GRK5: variants seen among roughly 807,000 people sequenced by gnomAD.
GRK5 encodes the protein g protein-coupled receptor kinase GRK5.
GRK5 carries 40 observed loss-of-function variants against 78.4 expected under a neutral mutation model. The ratio of observed to expected loss-of-function variants is 0.51; its 90% confidence interval spans 0.40 to 0.66. GRK5 has a LOEUF of 0.66. Ranked by LOEUF, GRK5 falls within the 30% of genes least tolerant of loss-of-function variation. GRK5 has a pLI of 0.00. For missense variants in GRK5, 598 were observed against 759.9 expected (o/e 0.79, Z 2.50); for synonymous variants, 289 against 296.8 (o/e 0.97, Z 0.27).
chr10:119,326,519 G>A lies in GRK5; in HGVS notation c.56G>A (p.Gly19Asp). 6.2e-7 allele frequency: 1 copy of A among 1,613,862 alleles called. No individual in the cohort carries two copies. Among genetic ancestry groups the A allele is most frequent in the Non-Finnish European group, 8.5e-7 (1 of 1,179,766 alleles). ...ATCTTTTTCCCCATCTCTGCAGGGG[G>A]CGGAGGAAAGCGCAAAGGGAAAAGC... is the stretch of plus-strand genomic sequence containing the variant. ...NTVLLKAREG[G>D]GGKRKGKSKK... The change falls in exon 2 of 16, where the codon GGC becomes GAC. Residue 19 changes from glycine (G) to aspartate (D), a missense_variant. By Grantham distance (94) the Gly-to-Asp change is moderately conservative. Coordinates refer to ENST00000392870, the MANE Select transcript of GRK5 (RefSeq NM_005308.3).
rs866169300 is a variant in GRK5 at position 119,327,774 on chromosome 10, C to T, written c.148+1163C>T. Among the ~76,000 whole-genome samples the T allele has an allele frequency of 6.6e-5, 10 of 152,172 alleles. No homozygotes were observed. The South Asian group carries it at 8.3e-4, about 13-fold the overall frequency. ...AGGTGATAGGAGGCCATCTGTGCCC[C>T]GCCCCACGACGGCAGACATGAGCAG... On this transcript the variant is annotated intron_variant, in intron 2 of 15. Transcript: ENST00000392870.
At chr10:119,262,035 A>G (rs1333625392) in intron 1 of GRK5, among the ~76,000 whole-genome samples, 1 of 152,208 alleles carries the variant, frequency 6.6e-6, no homozygotes, top group African/African-American at 2.4e-5. Context: ...TCTTTTCCTG[A>G]AGCTTTAATA....
At chr10:119,419,405 C>T (rs769324342) in intron 4 of GRK5, among the ~76,000 whole-genome samples, 22 of 152,216 alleles carry the variant, frequency 1.4e-4, no homozygotes, top group Non-Finnish European at 2.1e-4. Flanking sequence ...TACAACTACT[C>T]GCTTCTTACC....
In GRK5 at chr10:119,453,187, C is replaced by G. The variant is rs887685206; in HGVS notation, c.1585C>G (p.Pro529Ala). ...CTTTAAGGAGCTGAACGTGTTTGGA[C>G]CTAATGGTACCCTCCCGCCAGATCT... ...ECFKELNVFGPNGTLPPDLNR... is the reference protein window; with the variant it reads ...ECFKELNVFGANGTLPPDLNR... The change falls in exon 15 of 16, where the codon CCT becomes GCT. Residue 529 changes from proline to alanine, a missense_variant. Coordinates refer to ENST00000392870, the MANE Select transcript of GRK5 (RefSeq NM_005308.3). 2 of 1,584,898 alleles carry G rather than the reference C, an allele frequency of 1.3e-6. No individual in the cohort carries two copies. Among genetic ancestry groups the G allele is most frequent in the African/African-American group, 1.3e-5 (1 of 74,458 alleles).
chr10:119,213,646 TG>T lies in GRK5; in HGVS notation c.52+5684del, dbSNP rs949343297. Among the ~76,000 whole-genome samples the T allele has an allele frequency of 1.2e-4, 19 of 152,256 alleles. No individual in the cohort carries two copies. The South Asian group carries it at 3.9e-3, about 32-fold the overall frequency. ...TTCTAAATATTGAAAAGATGTATTT[TG>T]GGGGGGCAGAGATAATGTCATTCCT... On this transcript the variant is annotated intron_variant, in intron 1 of 15. Coordinates refer to ENST00000392870, the MANE Select transcript of GRK5 (RefSeq NM_005308.3).
rs1853451667 is a variant in GRK5, at chr10:119,459,657, G to T, written c.*4590G>T. Reference sequence around the variant, plus strand: ...TTCTCCCGCTGCTGTAACTCTGTGTGTTCCGTCTATCGCGTCACAGTGCCG... The same window carrying T: ...TTCTCCCGCTGCTGTAACTCTGTGTTTTCCGTCTATCGCGTCACAGTGCCG... On this transcript the variant is annotated 3_prime_UTR_variant, in exon 16 of 16. Transcript: ENST00000392870. The T allele has an allele frequency of 6.6e-6, 1 of 152,252 alleles. No homozygotes were observed. The highest frequency in any genetic ancestry group is 2.1e-4 in the South Asian group (1 of 4,828). 9.4% of individuals were successfully genotyped at this position (152,252 alleles called of 1,614,324 possible).
chr10:119,390,373 A>T (rs1310979672), intron 3 of GRK5, among the ~76,000 whole-genome samples: 1 of 152,206 alleles, frequency 6.6e-6, no homozygotes, highest in Non-Finnish European at 1.5e-5. Flanking sequence ...GAGCGTGTGC[A>T]GCAGAACTGC....
chr10:119,416,111 A>G (rs1314533479), intron 4 of GRK5, among the ~76,000 whole-genome samples: 4 of 152,206 alleles, frequency 2.6e-5, no homozygotes, highest in Non-Finnish European at 5.9e-5. Flanking sequence ...GGGTGCCTCC[A>G]AGGGCACCAG....
At position 119,399,984 on chromosome 10, in the gene GRK5, G is replaced by A. The variant is rs552230227; in HGVS notation, c.339+3212G>A. ...CGCTGTCCCCTACTCTGTCTTTCTCGCTTCTGTATCCCTGCATGTATTGAG... is the reference window on the plus strand; with the variant it reads ...CGCTGTCCCCTACTCTGTCTTTCTCACTTCTGTATCCCTGCATGTATTGAG... On this transcript the variant is annotated intron_variant, in intron 4 of 15. Transcript: ENST00000392870. Among the ~76,000 whole-genome samples the A allele has an allele frequency of 4.6e-5, 7 of 152,272 alleles. No individual in the cohort carries two copies. In the East Asian group the frequency reaches 9.7e-4, roughly 21 times the overall value.
In GRK5 at chr10:119,412,167, T is replaced by C. The variant is rs187277980; in HGVS notation, c.340-10999T>C. On this transcript the variant is annotated intron_variant, in intron 4 of 15. Coordinates refer to ENST00000392870, the MANE Select transcript of GRK5 (RefSeq NM_005308.3). This position sits in a 1 kb window ranked among gnomAD's most constrained non-coding sequence, Gnocchi z 4.3. The stretch of plus-strand genomic sequence containing the variant: ...CGCCCGGCCTCAGATCCGCTTCTGA[T>C]TGGAGGCTGTGCCCACCTTCATGGG... 1.1e-3 allele frequency among the ~76,000 whole-genome samples: 160 copies of C among 152,192 alleles called. 2 individuals carry two copies. The highest frequency in any genetic ancestry group is 3.6e-3 in the African/African-American group (148 of 41,538).
intron 1 of GRK5, among the ~76,000 whole-genome samples, chr10:119,325,742 C>T (rs531417488): frequency 2.2e-4 from 34 of 152,346 alleles, no homozygotes; most frequent in Admixed American, 5.2e-4. Flanking sequence ...TGCACCCTGA[C>T]ACCTGTCCAT....
chr10:119,376,382 G>C (rs769216655), intron 2 of GRK5, among the ~76,000 whole-genome samples: 1 of 152,092 alleles, frequency 6.6e-6, no homozygotes, highest in African/African-American at 2.4e-5. Flanking sequence ...ATATCCCCAC[G>C]TGTTGAGTTC....
rs1241372481 is a variant in GRK5 at position 119,394,377 on chromosome 10, G to A, written c.262-2318G>A. Among the ~76,000 whole-genome samples the A allele has an allele frequency of 4.8e-4, 4 of 8,334 alleles. 1 individual carries two copies. In the South Asian group the frequency reaches 0.01, roughly 21 times the overall value. 5.5% of individuals were successfully genotyped at this position (8,334 alleles called of 152,430 possible). ...GGGTGTGTGGGTGTGTGTGGGTGTC[G>A]GTGTGTGTATCTGTGTCTGTGTGTG... is the stretch of plus-strand genomic sequence containing the variant. On this transcript the variant is annotated intron_variant, in intron 3 of 15. Coordinates refer to ENST00000392870, the MANE Select transcript of GRK5 (RefSeq NM_005308.3).
At chr10:119,364,559 G>A (rs946148320) in intron 2 of GRK5, among the ~76,000 whole-genome samples, 2 of 152,160 alleles carry the variant, frequency 1.3e-5, no homozygotes, top group African/African-American at 2.4e-5. Context: ...CTGCAAGGAA[G>A]GGTCTCTGCC....
At position 119,300,356 on chromosome 10, in the gene GRK5, T is replaced by TCAATCTAAG. The variant is rs1182704783; in HGVS notation, c.53-26159_53-26151dup. 2.6e-5 allele frequency among the ~76,000 whole-genome samples: 4 copies of TCAATCTAAG among 152,208 alleles called. No individual in the cohort carries two copies. In the East Asian group the frequency reaches 7.7e-4, roughly 29 times the overall value. ...AAGGACTAGCCACAACGTTTGACCC[T>TCAATCTAAG]CAATCTAAGGTCAACACTGCTATCC... On this transcript the variant is annotated intron_variant, in intron 1 of 15. Transcript: ENST00000392870.
intron 2 of GRK5, among the ~76,000 whole-genome samples, chr10:119,331,513 G>A (rs573707756): frequency 2.6e-5 from 4 of 152,296 alleles, no homozygotes; most frequent in South Asian, 2.1e-4. Flanking sequence ...GGCCAATACC[G>A]CATTTATTTT....
intron 4 of GRK5, among the ~76,000 whole-genome samples, chr10:119,409,161 T>G (rs1163403401): frequency 6.6e-6 from 1 of 152,192 alleles, no homozygotes; most frequent in East Asian, 1.9e-4. Flanking sequence ...CTCTGCGCTG[T>G]GTCCTTAGCA....
At position 119,412,512 on chromosome 10, in the gene GRK5, C is replaced by T. The variant is rs949877659; in HGVS notation, c.340-10654C>T. On this transcript the variant is annotated intron_variant, in intron 4 of 15. Transcript: ENST00000392870. The surrounding 1 kb of genome is among the most constrained non-coding windows in gnomAD (Gnocchi z 4.3). The stretch of plus-strand genomic sequence containing the variant: ...GATTTATTTTTCTCCCCAGTGACCC[C>T]GAAAACCAAACCCTGCCTTCTTTCC... 6.6e-6 allele frequency among the ~76,000 whole-genome samples: 1 copy of T among 152,206 alleles called. No homozygotes were observed. Among genetic ancestry groups the T allele is most frequent in the Non-Finnish European group, 1.5e-5 (1 of 68,042 alleles).
chr10:119,253,325 C>T lies in GRK5; in HGVS notation c.52+45356C>T, dbSNP rs538413450. Among the ~76,000 whole-genome samples the T allele has an allele frequency of 4.6e-5, 7 of 152,172 alleles. No homozygotes were observed. Among genetic ancestry groups the T allele is most frequent in the Non-Finnish European group, 8.8e-5 (6 of 68,016 alleles). On this transcript the variant is annotated intron_variant, in intron 1 of 15. Transcript: ENST00000392870. This position sits in a 1 kb window ranked among gnomAD's most constrained non-coding sequence, Gnocchi z 5.7. ...CAGCATTGCATTAGAAAAGGAATTA[C>T]ATCAGGTCACTGATGTCTTCTCCTA...
Sources: gnomAD v4.1 joint callset for allele counts (sites outside exome capture counted in the v4.1 genomes callset) on GRCh38, gnomAD v4.1.1 for gene constraint, Gnocchi (gnomAD v3.1) non-coding constraint, MANE v1.5 for transcripts, NCBI Gene and HGNC (gene_info 2026-07-23, HGNC 2026-07-21) for gene names.